The following IL1RAPL2 variants were observed in gnomAD, a reference collection of about 807,000 sequenced individuals.
IL1RAPL2 encodes the protein X-linked interleukin-1 receptor accessory protein-like 2.
In IL1RAPL2, 3 loss-of-function variants were observed where a neutral mutation model predicts 44.1. The observed-to-expected ratio is 0.07, with a 90% CI of 0.03 to 0.18. The LOEUF is 0.18. Among genes scored for constraint, IL1RAPL2 ranks in the 10% least tolerant of loss-of-function variants. The pLI is 1.00. For synonymous variants in IL1RAPL2, 181 were observed against 178.8 expected (o/e 1.01, Z -0.10); for missense variants, 391 against 496.4 (o/e 0.79, Z 2.02).
At chrX:105,438,866 T>C (rs1202519428) in intron 5 of IL1RAPL2, among the ~76,000 whole-genome samples, 2 of 110,749 alleles carry the variant, frequency 1.8e-5, no homozygotes, top group Non-Finnish European at 3.8e-5. Context: ...TGCTTGGCTG[T>C]GTGTGCCCAC....
At chrX:105,712,836 T>A (rs979856019) in intron 6 of IL1RAPL2, among the ~76,000 whole-genome samples, 3 of 111,936 alleles carry the variant, frequency 2.7e-5, no homozygotes, top group Non-Finnish European at 5.6e-5. Flanking sequence ...AAAAGAAAGT[T>A]AGTTACTTCC....
chrX:105,033,934 T>G (rs1261053374), intron 2 of IL1RAPL2, among the ~76,000 whole-genome samples: 2 of 111,566 alleles, frequency 1.8e-5, no homozygotes, highest in East Asian at 5.6e-4. Context: ...TTTTTATTCT[T>G]TTTTCTCTAA....
intron 6 of IL1RAPL2, among the ~76,000 whole-genome samples, chrX:105,704,022 A>G (rs1036881722): frequency 8.9e-6 from 1 of 111,986 alleles, no homozygotes; most frequent in Non-Finnish European, 1.9e-5. Context: ...AAAGCACACA[A>G]TGTGCAAAAC....
At chrX:105,642,187 C>G (rs2147839693) in intron 6 of IL1RAPL2, among the ~76,000 whole-genome samples, 1 of 110,033 alleles carries the variant, frequency 9.1e-6, no homozygotes, top group African/African-American at 3.3e-5. Flanking sequence ...TCAACATTTA[C>G]CTATCCTGCA....
chrX:104,917,955 C>T (rs1010323551), intron 2 of IL1RAPL2, among the ~76,000 whole-genome samples: 3 of 111,390 alleles, frequency 2.7e-5, no homozygotes, highest in African/African-American at 9.8e-5. Flanking sequence ...GTAGTGGTGA[C>T]TTGTGATTTT....
At chrX:105,364,096 T>A (rs2035274564) in intron 5 of IL1RAPL2, among the ~76,000 whole-genome samples, 3 of 111,610 alleles carry the variant, frequency 2.7e-5, no homozygotes, top group Non-Finnish European at 5.7e-5. Flanking sequence ...TTGATTTTTG[T>A]TTATGATGGA....
intron 5 of IL1RAPL2, among the ~76,000 whole-genome samples, chrX:105,281,470 T>C (rs1413959635): frequency 8.9e-6 from 1 of 112,651 alleles, no homozygotes; most frequent in Non-Finnish European, 1.9e-5. Flanking sequence ...AGGTACTTAA[T>C]ACATCATATT....
At chrX:104,834,550 C>T (rs1265653049) in intron 2 of IL1RAPL2, among the ~76,000 whole-genome samples, 1 of 112,127 alleles carries the variant, frequency 8.9e-6, no homozygotes, top group Non-Finnish European at 1.9e-5. Context: ...ATATTTTACA[C>T]ACAAACAAAT....
intron 2 of IL1RAPL2, among the ~76,000 whole-genome samples, chrX:105,051,695 G>T (rs995560319): frequency 1.8e-5 from 2 of 113,235 alleles, no homozygotes; most frequent in African/African-American, 6.4e-5. Context: ...CCCACCGGCT[G>T]CATGGAGTGT....
chrX:105,262,109 CTG>C (rs1211648145), intron 4 of IL1RAPL2, among the ~76,000 whole-genome samples: 3 of 112,104 alleles, frequency 2.7e-5, no homozygotes, highest in African/African-American at 9.7e-5. Flanking sequence ...TCCCAGTGAG[CTG>C]TGATTCTCTA....
At chrX:104,740,035 A>G (rs1228460807) in intron 2 of IL1RAPL2, among the ~76,000 whole-genome samples, 3 of 111,457 alleles carry the variant, frequency 2.7e-5, no homozygotes, top group Non-Finnish European at 5.7e-5. Flanking sequence ...GGAAGTGGGT[A>G]AAAGTAGTAT....
At chrX:105,040,632 T>G (rs1255562636) in intron 2 of IL1RAPL2, among the ~76,000 whole-genome samples, 3 of 110,498 alleles carry the variant, frequency 2.7e-5, no homozygotes, top group Admixed American at 9.5e-5. Context: ...GTCAAGGAAT[T>G]TATCCATTTC....
intron 6 of IL1RAPL2, among the ~76,000 whole-genome samples, chrX:105,491,172 A>T (rs761224227): frequency 2.7e-5 from 3 of 112,141 alleles, no homozygotes; most frequent in African/African-American, 9.7e-5. Context: ...AACTGAGCTA[A>T]ATGTCAAACT....
intron 1 of IL1RAPL2, among the ~76,000 whole-genome samples, chrX:104,631,054 C>A (rs894958986): frequency 2.7e-5 from 3 of 110,607 alleles, no homozygotes; most frequent in Admixed American, 9.6e-5. Context: ...TGTTCTCATT[C>A]TTCAATTCCC....
At chrX:104,683,079 C>T (rs1930918270) in intron 2 of IL1RAPL2, among the ~76,000 whole-genome samples, 1 of 111,367 alleles carries the variant, frequency 9.0e-6, no homozygotes, top group South Asian at 3.8e-4. Flanking sequence ...AAATGCTCTG[C>T]TGTATACCTA....
At chrX:105,751,515 A>C (rs2038597456) in intron 9 of IL1RAPL2, among the ~76,000 whole-genome samples, 1 of 111,567 alleles carries the variant, frequency 9.0e-6, no homozygotes, top group Non-Finnish European at 1.9e-5. Context: ...CAGGAATTAA[A>C]TATTCCACTT....
intron 6 of IL1RAPL2, among the ~76,000 whole-genome samples, chrX:105,596,527 A>G (rs913756986): frequency 8.9e-6 from 1 of 111,906 alleles, no homozygotes. Context: ...AAGATACTTG[A>G]TACTATTTCA....
chrX:105,002,087 G>A (rs763839439), intron 2 of IL1RAPL2, among the ~76,000 whole-genome samples: 2 of 110,699 alleles, frequency 1.8e-5, no homozygotes, highest in African/African-American at 6.6e-5. Flanking sequence ...GCAGGAAATG[G>A]CACAGAATAG....
chrX:105,240,168 C>CA (rs2034157816), intron 4 of IL1RAPL2, among the ~76,000 whole-genome samples: 1 of 112,419 alleles, frequency 8.9e-6, no homozygotes, highest in Non-Finnish European at 1.9e-5. Flanking sequence ...CTTTTAATAA[C>CA]AAAAACTTTA....
Sources: allele counts gnomAD v4.1 joint callset (sites outside exome capture counted in the v4.1 genomes callset), GRCh38; gene constraint gnomAD v4.1.1; transcripts MANE v1.5; gene names NCBI Gene and HGNC (gene_info 2026-07-23, HGNC 2026-07-21).